PPP4R4: variants seen among roughly 807,000 people sequenced by gnomAD.
The protein encoded by PPP4R4 is protein phosphatase 4 regulatory subunit 4.
PPP4R4 carries 70 observed loss-of-function variants against 121.8 expected under a neutral mutation model. The ratio of observed to expected loss-of-function variants is 0.57; its 90% CI spans 0.47 to 0.70. The LOEUF is 0.70. PPP4R4 is among the 30% of genes least tolerant of loss of function. The pLI is 0.00. For synonymous variants in PPP4R4, 348 were observed against 355.7 expected, an observed-to-expected ratio of 0.98 and a Z score of 0.24; for missense variants, 875 against 1,033.6, an observed-to-expected ratio of 0.85 and a Z score of 2.10.
chr14:94,267,066 A>G, intron 23 of PPP4R4, 37 bp downstream of exon 23: 1 of 1,381,410 alleles, frequency 7.2e-7, no homozygotes, highest in Non-Finnish European at 1.0e-6. Flanking sequence ...AAGTTGCTAA[A>G]TTTAACAAAA....
intron 22 of PPP4R4, 63 bp downstream of exon 22, chr14:94,265,950 T>C: frequency 9.2e-7 from 1 of 1,086,214 alleles, no homozygotes. Flanking sequence ...TCTTCATATA[T>C]ATGAGTTTAC....
In PPP4R4 at chr14:94,279,142, A is replaced by G. The variant is rs1444038670; in HGVS notation, c.*499A>G. On this transcript the variant is annotated 3_prime_UTR_variant, in exon 25 of 25. Coordinates refer to ENST00000304338, the MANE Select transcript of PPP4R4 (RefSeq NM_058237.2). ...AGCCCACTTGAAAAGTCACACTGAA[A>G]GGATGCAAATAGCCGTCTGCGATTT... is the stretch of plus-strand genomic sequence containing the variant. The G allele has an allele frequency of 6.6e-6, 1 of 152,550 alleles. No individual in the cohort carries two copies. Among genetic ancestry groups the G allele is most frequent in the African/African-American group, 2.4e-5 (1 of 41,448 alleles). The allele number at this position is 152,550 out of a possible 1,614,324, so 9.4% of individuals were successfully genotyped here. A position where few individuals can be genotyped will look rare whatever the true frequency, so the allele number is the denominator to read the frequency against.
In PPP4R4 at chr14:94,196,316, T is replaced by TTG. The variant is rs1889871016; in HGVS notation, c.192-12147_192-12146insGT. ...TATTACTTTCTTTCAAAGGTTTTTTTTTTTTTTTTTTTTGGAGACAGAATT... is the reference window on the plus strand; with the variant it reads ...TATTACTTTCTTTCAAAGGTTTTTTTTGTTTTTTTTTTTTTGGAGACAGAATT... On this transcript the variant is annotated intron_variant, in intron 2 of 24. Coordinates refer to ENST00000304338, the MANE Select transcript of PPP4R4 (RefSeq NM_058237.2). 1.4e-5 allele frequency among the ~76,000 whole-genome samples: 2 copies of TTG among 144,536 alleles called. 1 individual carries two copies. Among genetic ancestry groups the TTG allele is most frequent in the Admixed American group, 1.4e-4 (2 of 14,558 alleles). 94.8% of individuals were successfully genotyped at this position (144,536 alleles called of 152,430 possible).
At chr14:94,181,241 T>C (rs1184342513) in intron 2 of PPP4R4, among the ~76,000 whole-genome samples, 1 of 152,114 alleles carries the variant, frequency 6.6e-6, no homozygotes, top group African/African-American at 2.4e-5. Context: ...TATGTGTGTG[T>C]GTGAGAGAGA....
In PPP4R4 at chr14:94,279,262, T is replaced by G. The variant is rs1345071453; in HGVS notation, c.*619T>G. ...AAATTCCACAAAGATTTCTGGTAAC[T>G]TTGAGCTATAAATACCTTAAAAATA... On this transcript the variant is annotated 3_prime_UTR_variant, in exon 25 of 25. Transcript: ENST00000304338. 6.5e-6 allele frequency: 1 copy of G among 152,672 alleles called. No individual in the cohort carries two copies. Among genetic ancestry groups the G allele is most frequent in the Non-Finnish European group, 1.5e-5 (1 of 68,042 alleles). The allele number at this position is 152,672 out of a possible 1,614,324, so 9.5% of individuals were successfully genotyped here. A position where few individuals can be genotyped will look rare whatever the true frequency, so the allele number is the denominator to read the frequency against.
At chr14:94,268,783 C>G (rs371678671) in intron 23 of PPP4R4, among the ~76,000 whole-genome samples, 1 of 152,062 alleles carries the variant, frequency 6.6e-6, no homozygotes, top group Non-Finnish European at 1.5e-5. Context: ...TTCACTATCA[C>G]GAGAACAGCA....
intron 14 of PPP4R4, among the ~76,000 whole-genome samples, chr14:94,248,299 C>T (rs556073877): frequency 2.0e-5 from 3 of 152,100 alleles, no homozygotes; most frequent in Non-Finnish European, 4.4e-5. Flanking sequence ...ATCAAGAATG[C>T]AATCCCAATT....
intron 16 of PPP4R4, among the ~76,000 whole-genome samples, chr14:94,253,571 T>C (rs1276978861): frequency 6.6e-6 from 1 of 152,246 alleles, no homozygotes; most frequent in Non-Finnish European, 1.5e-5. Context: ...AAAAGCAACT[T>C]TCAATGTGAT....
intron 15 of PPP4R4, 22 bp from the exon 16 acceptor site, chr14:94,251,727 T>C (rs1256904628): frequency 6.6e-7 from 1 of 1,505,622 alleles, no homozygotes; most frequent in South Asian, 1.3e-5. Context: ...TAACTTAAGA[T>C]AATTTTTGTT....
At chr14:94,218,526 C>T (rs1199310327) in intron 3 of PPP4R4, among the ~76,000 whole-genome samples, 1 of 93,182 alleles carries the variant, frequency 1.1e-5, no homozygotes, top group Non-Finnish European at 2.1e-5. Context: ...ACACCCCCCT[C>T]ACCTCTAGAC....
chr14:94,202,449 C>G (rs1475277882), intron 2 of PPP4R4, among the ~76,000 whole-genome samples: 2 of 152,150 alleles, frequency 1.3e-5, no homozygotes, highest in Non-Finnish European at 2.9e-5. Flanking sequence ...TGGTAATGGT[C>G]AACATCCCTG....
intron 10 of PPP4R4, 107 bp downstream of exon 10, chr14:94,242,064 T>C (rs534993751): frequency 2.5e-6 from 3 of 1,211,598 alleles, no homozygotes; most frequent in African/African-American, 3.1e-5. Flanking sequence ...CTGCTTGCAT[T>C]ATGTCTAGCA....
rs2139681032 is a variant in PPP4R4 at position 94,278,782 on chromosome 14, A to G, written c.*139A>G. ...TGTTGTTGTTAATGAGCAGAAAGAG[A>G]GACATAATGACAGCTGATGTTAAAC... is the stretch of plus-strand genomic sequence containing the variant. On this transcript the variant is annotated 3_prime_UTR_variant, in exon 25 of 25. Coordinates refer to ENST00000304338, the MANE Select transcript of PPP4R4 (RefSeq NM_058237.2). The G allele has an allele frequency of 1.4e-6, 1 of 707,690 alleles. No homozygotes were observed. The allele number at this position is 707,690 out of a possible 1,614,324, so 43.8% of individuals were successfully genotyped here. A position where few individuals can be genotyped will look rare whatever the true frequency, so the allele number is the denominator to read the frequency against.
At chr14:94,260,994 AT>A (rs1436079452) in intron 19 of PPP4R4, among the ~76,000 whole-genome samples, 3 of 151,840 alleles carry the variant, frequency 2.0e-5, no homozygotes, top group African/African-American at 4.8e-5. Context: ...ATATATGTTT[AT>A]TTTTTTCCAT....
intron 3 of PPP4R4, among the ~76,000 whole-genome samples, chr14:94,218,831 G>A (rs1037893013): frequency 3.3e-5 from 5 of 152,054 alleles, no homozygotes; most frequent in African/African-American, 1.2e-4. Flanking sequence ...CAGAGACAAA[G>A]GTGACAATTG....
In PPP4R4 at chr14:94,200,803, G is replaced by T. The variant is rs2402416; in HGVS notation, c.192-7661G>T. On this transcript the variant is annotated intron_variant, in intron 2 of 24. Transcript: ENST00000304338. ...CAGCTTTTTGTTTCACTTATCTTTTGTATTTTTTTTTTGTTTCCCTTTCAT... is the reference window on the plus strand; with the variant it reads ...CAGCTTTTTGTTTCACTTATCTTTTTTATTTTTTTTTTGTTTCCCTTTCAT... Among the ~76,000 whole-genome samples, 481 of 49,998 alleles carry T rather than the reference G, an allele frequency of 9.6e-3. 12 individuals carry two copies. The highest frequency in any genetic ancestry group is 0.026 in the Non-Finnish European group (281 of 10,848). 32.8% of individuals were successfully genotyped at this position (49,998 alleles called of 152,430 possible).
In PPP4R4 at chr14:94,176,103, T is replaced by C. The variant is rs114110186; in HGVS notation, c.167T>C (p.Ile56Thr). The change falls in exon 2 of 25, where the codon ATT (isoleucine) becomes ACT (threonine). Residue 56 changes from isoleucine to threonine, a missense_variant. Ile to Thr is a moderately conservative substitution (Grantham distance 89, BLOSUM62 -1). Transcript: ENST00000304338. The part of the protein sequence containing the change: ...RLTVDEDLSD[I>T]ERAVYLLSAG... ...ACAGTCGATGAAGACCTCAGTGATA[T>C]TGAAAGGGCTGTTTATCTGCTCAGG... 149 of 1,612,316 alleles carry C rather than the reference T, an allele frequency of 9.2e-5. 1 individual carries two copies. In the African/African-American group the frequency reaches 1.4e-3, roughly 15 times the overall value.
At chr14:94,256,439 G>A (rs369610359) in intron 16 of PPP4R4, 21 bp from the exon 17 acceptor site, 808 of 1,547,352 alleles carry the variant, frequency 5.2e-4, no homozygotes, top group Non-Finnish European at 6.9e-4. Flanking sequence ...TCACTCAAGA[G>A]TAAATACTAT....
chr14:94,255,572 G>C (rs1595531179), intron 16 of PPP4R4, among the ~76,000 whole-genome samples: 1 of 150,968 alleles, frequency 6.6e-6, no homozygotes, highest in East Asian at 2.0e-4. Context: ...CTGCATTCCA[G>C]CCTGGGCGAC....
Sources: allele counts gnomAD v4.1 joint callset (sites outside exome capture counted in the v4.1 genomes callset), GRCh38; gene constraint gnomAD v4.1.1; transcripts MANE v1.5; gene names NCBI Gene and HGNC (gene_info 2026-07-23, HGNC 2026-07-21).